NENF: variants seen among roughly 807,000 people sequenced by gnomAD.
The protein encoded by NENF is neudesin neurotrophic factor, also known as neudesin.
A neutral mutation model predicts 14.8 loss-of-function variants in NENF; 6 were observed. That is an observed-to-expected ratio of 0.40 (90% CI 0.22 to 0.80). The LOEUF is 0.80. NENF is among the 30% of genes least tolerant of loss of function. The pLI is 0.34. For synonymous variants in NENF, 76 were observed against 95.1 expected, an observed-to-expected ratio of 0.80 and a Z score of 1.17; for missense variants, 184 against 212.7, an observed-to-expected ratio of 0.87 and a Z score of 0.84.
chr1:212,433,616 C>T lies in NENF; in HGVS notation c.177+496C>T, dbSNP rs1309943666. On this transcript the variant is annotated intron_variant, in intron 1 of 3. Transcript: ENST00000366988. This position sits in a 1 kb window ranked among gnomAD's most constrained non-coding sequence, Gnocchi z 5.5. Reference sequence around the variant, plus strand: ...CCTGCCCCTGTATCCCAGGCCTCTGCATCGGACTCCTCAAACCCACTTTTA... The same window carrying T: ...CCTGCCCCTGTATCCCAGGCCTCTGTATCGGACTCCTCAAACCCACTTTTA... Among the ~76,000 whole-genome samples, 3 of 152,002 alleles carry T rather than the reference C, an allele frequency of 2.0e-5. No individual in the cohort carries two copies. Among genetic ancestry groups the T allele is most frequent in the Admixed American group, 1.3e-4 (2 of 15,266 alleles).
At chr1:212,440,610 C>G (rs564256985) in intron 1 of NENF, among the ~76,000 whole-genome samples, 52 of 152,100 alleles carry the variant, frequency 3.4e-4, no homozygotes, top group Non-Finnish European at 6.3e-4. Flanking sequence ...GCTCCTGTGT[C>G]GTGCCTGCTA....
chr1:212,444,375 C>G lies in NENF; in HGVS notation c.275C>G (p.Thr92Arg). ...CGAGGAGCCCCCTACAATGCCTTGA[C>G]GGGGAAGGACTCCACTAGAGGGGTA... ...YGRGAPYNAL[T>R]GKDSTRGVAK... Residue 92 changes from threonine (T) to arginine (R), a missense_variant, in exon 3 of 4, where the codon ACG (threonine) becomes AGG (arginine). Transcript: ENST00000366988. The G allele has an allele frequency of 6.2e-7, 1 of 1,606,746 alleles. No individual in the cohort carries two copies. Among genetic ancestry groups the G allele is most frequent in the East Asian group, 2.3e-5 (1 of 44,362 alleles).
rs1192941609 is a variant in NENF, at chr1:212,445,938, G to T, written c.451G>T (p.Asp151Tyr). 2 of 1,614,174 alleles carry T rather than the reference G, an allele frequency of 1.2e-6. No homozygotes were observed. The highest frequency in any genetic ancestry group is 1.3e-5 in the African/African-American group (1 of 75,028). Residue 151 changes from aspartate to tyrosine, a missense_variant, in exon 4 of 4, where the codon GAT becomes TAT. Asp to Tyr is a radical substitution (Grantham distance 160, BLOSUM62 -3). Transcript: ENST00000366988. ...CACTGCCCGGAGAATTCTCAATGAGGATGGCAGCCCTAACCTGGACTTCAA... is the reference window on the plus strand; with the variant it reads ...CACTGCCCGGAGAATTCTCAATGAGTATGGCAGCCCTAACCTGGACTTCAA... ...GYTARRILNE[D>Y]GSPNLDFKPE...
Position 212,445,907 on chromosome 1 carries a change from C to G in NENF, c.420C>G (p.Val140=). 1 of 1,614,148 alleles carries G rather than the reference C, an allele frequency of 6.2e-7. No individual in the cohort carries two copies. The highest frequency in any genetic ancestry group is 8.5e-7 in the Non-Finnish European group (1 of 1,180,024). ...TKVYKAKYPI[V]GYTARRILNE... The stretch of plus-strand genomic sequence containing the variant: ...TGTACAAAGCCAAATACCCCATCGT[C>G]GGCTACACTGCCCGGAGAATTCTCA... The change falls in exon 4 of 4, where the codon GTC becomes GTG. Residue 140 remains valine (V), a synonymous_variant. Transcript: ENST00000366988.
intron 1 of NENF, chr1:212,434,909 A>G (rs1452458909): frequency 6.6e-6 from 1 of 152,274 alleles, no homozygotes; most frequent in Non-Finnish European, 1.5e-5. Flanking sequence ...GGGGTAGGAA[A>G]CAATTGTTTT....
chr1:212,444,507 C>A, intron 3 of NENF, 65 bp downstream of exon 3: 1 of 1,071,082 alleles, frequency 9.3e-7, no homozygotes, highest in Non-Finnish European at 1.3e-6. Flanking sequence ...TTCTCTTTTT[C>A]TTTTTCTTTT....
At chr1:212,440,493 G>A (rs765672179) in intron 1 of NENF, among the ~76,000 whole-genome samples, 1 of 152,124 alleles carries the variant, frequency 6.6e-6, no homozygotes, top group Non-Finnish European at 1.5e-5. Context: ...CGTTTCAAAT[G>A]ACCCGTGTTA....
chr1:212,444,344 T>G lies in NENF; in HGVS notation c.244T>G (p.Tyr82Asp), dbSNP rs773601133. The G allele has an allele frequency of 3.8e-6, 6 of 1,597,812 alleles. No homozygotes were observed. In the African/African-American group the frequency reaches 8.1e-5, roughly 22 times the overall value. ...TTCCTTCCTTCCCACTACAGAGTTTTATGGACGAGGAGCCCCCTACAATGC... is the reference window on the plus strand; with the variant it reads ...TTCCTTCCTTCCCACTACAGAGTTTGATGGACGAGGAGCCCCCTACAATGC... ...VFDVTSGKEF[Y>D]GRGAPYNALT... Residue 82 changes from tyrosine to aspartate, a missense_variant, in exon 3 of 4, where the codon TAT becomes GAT. Coordinates refer to ENST00000366988, the MANE Select transcript of NENF (RefSeq NM_013349.5).
chr1:212,434,524 T>C (rs931354638), intron 1 of NENF, among the ~76,000 whole-genome samples: 1 of 152,238 alleles, frequency 6.6e-6, no homozygotes, highest in African/African-American at 2.4e-5. Flanking sequence ...AGAGGAATGT[T>C]CTGCCAGAAG....
At chr1:212,443,455 G>A (rs897749747) in intron 2 of NENF, among the ~76,000 whole-genome samples, 1 of 152,000 alleles carries the variant, frequency 6.6e-6, no homozygotes, top group African/African-American at 2.4e-5. Context: ...GCCCAGGTTA[G>A]AGTGCAGTGA....
In NENF at chr1:212,433,551, A is replaced by G. The variant is rs1193681295; in HGVS notation, c.177+431A>G. On this transcript the variant is annotated intron_variant, in intron 1 of 3. Coordinates refer to ENST00000366988, the MANE Select transcript of NENF (RefSeq NM_013349.5). This position sits in a 1 kb window ranked among gnomAD's most constrained non-coding sequence, Gnocchi z 5.5. ...CCCTGGGTTAGGTGGGAATTGAGAC[A>G]GGTCCTGGGATAAGCCAGTCTTTGC... 6.6e-6 allele frequency among the ~76,000 whole-genome samples: 1 copy of G among 152,130 alleles called. No individual in the cohort carries two copies. The highest frequency in any genetic ancestry group is 2.4e-5 in the African/African-American group (1 of 41,538).
At chr1:212,435,528 C>G (rs1263058670) in intron 1 of NENF, among the ~76,000 whole-genome samples, 2 of 150,598 alleles carry the variant, frequency 1.3e-5, no homozygotes, top group African/African-American at 4.9e-5. Flanking sequence ...TGACTACCCC[C>G]AAAACTACAG....
In NENF at chr1:212,442,645, G is replaced by T; in HGVS notation, c.238+20G>T. 2 of 1,601,696 alleles carry T rather than the reference G, an allele frequency of 1.2e-6. No individual in the cohort carries two copies. Among genetic ancestry groups the T allele is most frequent in the Admixed American group, 1.7e-5 (1 of 59,990 alleles). ...GAAAGGGTAAGTGGTGTGGCATTTT[G>T]AATCTTCATTTCCAGGGAGCACAGA... On this transcript the variant is annotated intron_variant, in intron 2 of 3. Transcript: ENST00000366988.
At chr1:212,434,659 G>A (rs908776489) in intron 1 of NENF, 1 of 152,192 alleles carries the variant, frequency 6.6e-6, no homozygotes, top group African/African-American at 2.4e-5. Flanking sequence ...TTCCTTCCCA[G>A]CTGTGAGTAG....
intron 2 of NENF, among the ~76,000 whole-genome samples, chr1:212,443,763 G>T (rs113550781): frequency 0.012 from 1,896 of 152,144 alleles, 46 homozygotes; most frequent in African/African-American, 0.043. Context: ...CGAGAAGGGG[G>T]CTAGGCACAG....
chr1:212,444,518 C>CGTGTGTGT (rs57220444), intron 3 of NENF, 76 bp downstream of exon 3: 55 of 497,500 alleles, frequency 1.1e-4, no homozygotes, highest in East Asian at 5.7e-4. Context: ...TTTTTCTTTT[C>CGTGTGTGT]GTGTGTGTGT....
chr1:212,434,703 A>T (rs1382389526), intron 1 of NENF: 1 of 152,172 alleles, frequency 6.6e-6, no homozygotes, highest in African/African-American at 2.4e-5. Context: ...TCTTCCTTCT[A>T]GGGACTCTCC....
intron 1 of NENF, among the ~76,000 whole-genome samples, chr1:212,441,035 T>C (rs1217003337): frequency 6.6e-6 from 1 of 152,118 alleles, no homozygotes; most frequent in Non-Finnish European, 1.5e-5. Flanking sequence ...TGAGCCCAAC[T>C]TGATGGAAGC....
At chr1:212,434,158 A>G (rs1389246084) in intron 1 of NENF, among the ~76,000 whole-genome samples, 2 of 152,176 alleles carry the variant, frequency 1.3e-5, no homozygotes, top group East Asian at 3.8e-4. Flanking sequence ...ATTTAGAACC[A>G]TGAGTCAGTG....
Sources: allele counts gnomAD v4.1 joint callset (sites outside exome capture counted in the v4.1 genomes callset), GRCh38; gene constraint gnomAD v4.1.1; non-coding constraint Gnocchi (gnomAD v3.1); transcripts MANE v1.5; gene names NCBI Gene and HGNC (gene_info 2026-07-23, HGNC 2026-07-21).